Variants in ZFHX3 observed in about 807,000 individuals in gnomAD.
ZFHX3 encodes zinc finger homeobox 3.
ZFHX3 carries 42 observed loss-of-function variants against 279.1 expected under a neutral mutation model. The ratio of observed to expected loss-of-function variants is 0.15; its 90% CI spans 0.12 to 0.19. ZFHX3 has a LOEUF of 0.19. Among genes scored for constraint, ZFHX3 ranks in the 10% least tolerant of loss-of-function variants. The pLI, the probability that ZFHX3 is intolerant of heterozygous loss-of-function variation, is 1.00. For synonymous variants in ZFHX3, 2,293 were observed against 1,957.8 expected, an observed-to-expected ratio of 1.17 and a Z score of -4.52; for missense variants, 4,981 against 4,754.0, an observed-to-expected ratio of 1.05 and a Z score of -1.40.
intron 2 of ZFHX3, among the ~76,000 whole-genome samples, chr16:73,611,346 T>TA (rs1347752727): frequency 6.6e-6 from 1 of 152,154 alleles, no homozygotes; most frequent in African/African-American, 2.4e-5. Flanking sequence ...AGATGTGAAT[T>TA]AAAAAATGCT....
intron 1 of ZFHX3, among the ~76,000 whole-genome samples, chr16:73,691,266 C>T (rs1241787125): frequency 1.3e-5 from 2 of 152,130 alleles, no homozygotes. Flanking sequence ...AATCAGCAAA[C>T]CTCCAGAAGC....
At chr16:72,815,294 G>C (rs147567581) in intron 5 of ZFHX3, among the ~76,000 whole-genome samples, 206 of 152,074 alleles carry the variant, frequency 1.4e-3, no homozygotes, top group African/African-American at 4.0e-3. Context: ...TATAGTCCTA[G>C]CTACTCAGGA....
intron 4 of ZFHX3, among the ~76,000 whole-genome samples, chr16:72,870,658 C>T (rs942365219): frequency 2.9e-5 from 4 of 138,050 alleles, no homozygotes; most frequent in Non-Finnish European, 4.5e-5. Context: ...GCGGAGCTTG[C>T]AGTGAGCCGA....
At chr16:73,516,972 A>C (rs1462268369) in intron 2 of ZFHX3, among the ~76,000 whole-genome samples, 3 of 152,194 alleles carry the variant, frequency 2.0e-5, no homozygotes. Flanking sequence ...CATGAGATCA[A>C]GTACAGAAAA....
chr16:73,736,509 G>T (rs2053611572), intron 1 of ZFHX3, among the ~76,000 whole-genome samples: 1 of 152,204 alleles, frequency 6.6e-6, no homozygotes, highest in Admixed American at 6.5e-5. Context: ...TAGCCACTTT[G>T]ATGTTTATGA....
intron 1 of ZFHX3, among the ~76,000 whole-genome samples, chr16:72,960,538 G>A (rs188520346): frequency 5.9e-5 from 9 of 152,216 alleles, no homozygotes; most frequent in South Asian, 2.1e-4. Flanking sequence ...AGTGGAGAAC[G>A]GACGCGTCAT....
chr16:73,832,304 C>T (rs1961019802), intron 1 of ZFHX3, among the ~76,000 whole-genome samples: 1 of 152,104 alleles, frequency 6.6e-6, no homozygotes. Flanking sequence ...TCCCAGCCTC[C>T]TCACACATCC....
intron 1 of ZFHX3, among the ~76,000 whole-genome samples, chr16:73,791,924 C>A (rs1043622572): frequency 2.6e-5 from 4 of 152,242 alleles, no homozygotes; most frequent in Admixed American, 2.6e-4. Flanking sequence ...GCTTACAGAG[C>A]CTTCATAGTA....
At chr16:73,519,678 T>A (rs2019579627) in intron 2 of ZFHX3, among the ~76,000 whole-genome samples, 3 of 152,148 alleles carry the variant, frequency 2.0e-5, no homozygotes, top group Admixed American at 2.0e-4. Flanking sequence ...CCCAGGGACT[T>A]CAAAGGTTGA....
intron 5 of ZFHX3, among the ~76,000 whole-genome samples, chr16:73,149,626 C>T (rs1445833342): frequency 6.6e-6 from 1 of 152,166 alleles, no homozygotes; most frequent in African/African-American, 2.4e-5. Context: ...CAGAGTGACA[C>T]CACTGCTCAA....
At chr16:72,826,397 T>A (rs1306152001) in intron 5 of ZFHX3, among the ~76,000 whole-genome samples, 2 of 152,212 alleles carry the variant, frequency 1.3e-5, no homozygotes, top group Non-Finnish European at 2.9e-5. Flanking sequence ...CATAACAGAT[T>A]GTGAAATCAC....
chr16:73,114,636 G>C (rs1019952670), intron 7 of ZFHX3, among the ~76,000 whole-genome samples: 3 of 152,022 alleles, frequency 2.0e-5, no homozygotes, highest in Non-Finnish European at 2.9e-5. Context: ...CCATGACTGC[G>C]TCACTGCACT....
intron 5 of ZFHX3, among the ~76,000 whole-genome samples, chr16:73,147,519 C>T (rs1023920131): frequency 6.6e-5 from 10 of 150,844 alleles, no homozygotes; most frequent in African/African-American, 9.7e-5. Flanking sequence ...GGTGAAACCC[C>T]GTCTCTACTA....
chr16:73,839,916 C>T (rs1449032430), intron 1 of ZFHX3, among the ~76,000 whole-genome samples: 2 of 152,224 alleles, frequency 1.3e-5, no homozygotes, highest in African/African-American at 4.8e-5. Context: ...GCTGGTCTTG[C>T]TAGTAACATT....
At chr16:73,334,792 C>A (rs1433204648) in intron 3 of ZFHX3, among the ~76,000 whole-genome samples, 1 of 128,132 alleles carries the variant, frequency 7.8e-6, no homozygotes, top group Admixed American at 8.1e-5. Context: ...ATCTCTTTTC[C>A]TCCTTTTCTT....
intron 1 of ZFHX3, among the ~76,000 whole-genome samples, chr16:73,885,472 C>T (rs2030315530): frequency 6.6e-6 from 1 of 152,016 alleles, no homozygotes; most frequent in African/African-American, 2.4e-5. Flanking sequence ...TCAAAATGAG[C>T]CTTTCTAGAT....
intron 4 of ZFHX3, among the ~76,000 whole-genome samples, chr16:73,283,634 G>T (rs759847150): frequency 1.5e-4 from 23 of 152,214 alleles, no homozygotes; most frequent in Non-Finnish European, 2.8e-4. Flanking sequence ...ACTTAGTACT[G>T]CTCCTACTGC....
At chr16:73,813,240 TC>T (rs1960473403) in intron 1 of ZFHX3, among the ~76,000 whole-genome samples, 1 of 145,912 alleles carries the variant, frequency 6.9e-6, no homozygotes, top group African/African-American at 2.6e-5. Flanking sequence ...TCTCTCTCTC[TC>T]TCTCTCTCTC....
intron 3 of ZFHX3, among the ~76,000 whole-genome samples, chr16:72,925,434 T>C (rs2144259848): frequency 6.6e-6 from 1 of 152,344 alleles, no homozygotes; most frequent in Non-Finnish European, 1.5e-5. Flanking sequence ...GGCCCCTGAA[T>C]GCCAGGAAAT....
Sources: gnomAD v4.1 joint callset for allele counts (sites outside exome capture counted in the v4.1 genomes callset) on GRCh38, gnomAD v4.1.1 for gene constraint, MANE v1.5 for transcripts, NCBI Gene and HGNC (gene_info 2026-07-23, HGNC 2026-07-21) for gene names.